Variants in ZNF558 observed in about 807,000 individuals in gnomAD.
ZNF558 encodes zinc finger protein 558.
A neutral mutation model predicts 37.6 loss-of-function variants in ZNF558; 23 were observed. The observed-to-expected ratio is 0.61, with a 90% CI of 0.44 to 0.87. The LOEUF (loss-of-function observed/expected upper bound fraction) is 0.87, where lower values mean the gene tolerates loss of function less well. ZNF558 is among the 40% of genes least tolerant of loss of function. ZNF558 has a pLI of 0.00. For synonymous variants in ZNF558, 189 were observed against 174.4 expected, an observed-to-expected ratio of 1.08 and a Z score of -0.66; for missense variants, 429 against 483.7, an observed-to-expected ratio of 0.89 and a Z score of 1.06.
At chr19:8,833,155 G>C (rs755771571), upstream of ZNF558, 2 of 152,336 alleles carry the variant, frequency 1.3e-5, no homozygotes, top group Non-Finnish European at 2.9e-5. Context: ...AGCCAGGATT[G>C]TGGGAGATCA....
chr19:8,818,355 C>T (rs2910346), intron 7 of ZNF558, among the ~76,000 whole-genome samples: 2 of 152,058 alleles, frequency 1.3e-5, no homozygotes, highest in African/African-American at 4.8e-5. Flanking sequence ...GGGAGGCTGA[C>T]GCAGGAGAAT....
In ZNF558 at chr19:8,821,267, G is replaced by T. The variant is rs750408233; in HGVS notation, c.160C>A (p.Gln54Lys). The change falls in exon 7 of 10, where the codon CAG (glutamine) becomes AAG (lysine). Residue 54 changes from glutamine to lysine, a missense_variant. Transcript: ENST00000601372. ...GGGTCCAGCAACGCCCACTCCTCCT[G>T]GGTGAACTCCACGGCCACATCCTCG... ...TFEDVAVEFT[Q>K]EEWALLDPAQ... 1 of 1,614,206 alleles carries T rather than the reference G, an allele frequency of 6.2e-7. No individual in the cohort carries two copies. The highest frequency in any genetic ancestry group is 2.2e-5 in the East Asian group (1 of 44,890).
intron 9 of ZNF558, 37 bp from the exon 10 acceptor site, chr19:8,812,100 A>G: frequency 1.4e-6 from 2 of 1,420,122 alleles, no homozygotes; most frequent in Non-Finnish European, 1.9e-6. Context: ...TATAATTTAT[A>G]ATATTTGAAA....
At chr19:8,824,518 T>C (rs1416558000) in intron 3 of ZNF558, 101 bp from the exon 4 acceptor site, 2 of 152,234 alleles carry the variant, frequency 1.3e-5, no homozygotes, top group Non-Finnish European at 2.9e-5. Context: ...AATCATCTCA[T>C]TTTCAGCAGA....
In ZNF558 at chr19:8,822,449, G is replaced by C. The variant is rs2044117776; in HGVS notation, c.31+180C>G. ...ATTCACCACACAGGTGACATCCACAGACACCCAAATGCCTAAGTCCCAAAT... is the reference window on the plus strand; with the variant it reads ...ATTCACCACACAGGTGACATCCACACACACCCAAATGCCTAAGTCCCAAAT... On this transcript the variant is annotated intron_variant, in intron 5 of 9. Transcript: ENST00000601372. This position sits in a 1 kb window ranked among gnomAD's most constrained non-coding sequence, Gnocchi z 4.4. 6.6e-6 allele frequency among the ~76,000 whole-genome samples: 1 copy of C among 152,188 alleles called. No homozygotes were observed. The highest frequency in any genetic ancestry group is 1.5e-5 in the Non-Finnish European group (1 of 68,036).
In ZNF558 at chr19:8,812,026, T is replaced by C. The variant is rs868914614; in HGVS notation, c.464A>G (p.Asn155Ser). The C allele has an allele frequency of 3.1e-6, 5 of 1,605,772 alleles. No individual in the cohort carries two copies. Among genetic ancestry groups the C allele is most frequent in the Non-Finnish European group, 4.3e-6 (5 of 1,175,376 alleles). The stretch of plus-strand genomic sequence containing the variant: ...CGTGCTGAAGACTTTAAAACACTGA[T>C]TACATTCATTGAGTTTCACTCCACG... ...SHRGVKLNEC[N>S]QCFKVFSTKS... Residue 155 changes from asparagine to serine, a missense_variant, in exon 10 of 10, where the codon AAT (asparagine) becomes AGT (serine). Transcript: ENST00000601372.
chr19:8,817,170 G>A (rs1030306034), intron 7 of ZNF558, among the ~76,000 whole-genome samples: 1 of 152,124 alleles, frequency 6.6e-6, no homozygotes, highest in Non-Finnish European at 1.5e-5. Context: ...GGCAGAAGTA[G>A]CTCCTTCCTT....
At chr19:8,833,197 A>G (rs1430848528), upstream of ZNF558, 2 of 152,212 alleles carry the variant, frequency 1.3e-5, no homozygotes, top group African/African-American at 4.8e-5. Flanking sequence ...TTGGATCCCT[A>G]GATTGTTGAT....
chr19:8,813,035 C>T, intron 8 of ZNF558, 92 bp downstream of exon 8: 2 of 990,822 alleles, frequency 2.0e-6, no homozygotes, highest in East Asian at 2.6e-5. Flanking sequence ...TACAAAGTTC[C>T]CTGATTGACA....
chr19:8,811,235 G>C lies in ZNF558; in HGVS notation c.*46C>G, dbSNP rs560000577. 150 of 1,505,556 alleles carry C rather than the reference G, an allele frequency of 1.0e-4. 3 individuals carry two copies. In the South Asian group the frequency reaches 1.9e-3, roughly 19 times the overall value. 93.3% of individuals were successfully genotyped at this position (1,505,556 alleles called of 1,614,324 possible). A position where few individuals can be genotyped will look rare whatever the true frequency, so the allele number is the denominator to read the frequency against. ...GTGAGCTCTCTCAAACTATCTTAGGGATGAAAGATCAATGAGTGCTTTCCT... is the reference window on the plus strand; with the variant it reads ...GTGAGCTCTCTCAAACTATCTTAGGCATGAAAGATCAATGAGTGCTTTCCT... On this transcript the variant is annotated 3_prime_UTR_variant, in exon 10 of 10. Transcript: ENST00000601372.
intron 2 of ZNF558, among the ~76,000 whole-genome samples, chr19:8,827,510 A>T (rs962909341): frequency 1.4e-5 from 2 of 147,424 alleles, no homozygotes; most frequent in African/African-American, 4.9e-5. Context: ...GTCTGAAGTG[A>T]GGCCTAGTAT....
intron 9 of ZNF558, 21 bp downstream of exon 9, chr19:8,812,540 A>G: frequency 6.7e-7 from 1 of 1,498,110 alleles, no homozygotes; most frequent in Non-Finnish European, 8.9e-7. Context: ...GAAAACCAGA[A>G]ATCACCCATG....
Position 8,816,612 on chromosome 19 carries a change from A to C in ZNF558, c.248-3390T>G, listed in dbSNP as rs758798971. Among the ~76,000 whole-genome samples the C allele has an allele frequency of 2.6e-4, 40 of 152,322 alleles. No homozygotes were observed. In the Middle Eastern group the frequency reaches 0.01, roughly 39 times the overall value. On this transcript the variant is annotated intron_variant, in intron 7 of 9. Coordinates refer to ENST00000601372, the MANE Select transcript of ZNF558 (RefSeq NM_144693.3). The stretch of plus-strand genomic sequence containing the variant: ...AATGAAGACCTTCCCATAAACAAAG[A>C]CTGAGTGTTTGTCACTATTACATCT...
intron 7 of ZNF558, among the ~76,000 whole-genome samples, chr19:8,818,882 G>T (rs55703654): frequency 0.062 from 9,459 of 152,244 alleles, 379 homozygotes; most frequent in Non-Finnish European, 0.085. Context: ...ACTCCAGTGT[G>T]TATGGCCACA....
chr19:8,821,645 A>T (rs1178486874), intron 6 of ZNF558: 2 of 1,316,244 alleles, frequency 1.5e-6, no homozygotes, highest in Non-Finnish European at 1.9e-6. Context: ...TCTCCAGGGG[A>T]TCATGGGCCC....
rs1411167495 is a variant in ZNF558 at position 8,822,537 on chromosome 19, A to G, written c.31+92T>C. ...GCCCCTGGGGCTCCACTCCTGCCTCACCTGCTCTGCCCAACCCCGCTCGTG... is the reference window on the plus strand; with the variant it reads ...GCCCCTGGGGCTCCACTCCTGCCTCGCCTGCTCTGCCCAACCCCGCTCGTG... On this transcript the variant is annotated intron_variant, in intron 5 of 9. Transcript: ENST00000601372. This position sits in a 1 kb window ranked among gnomAD's most constrained non-coding sequence, Gnocchi z 4.4. The G allele has an allele frequency of 3.8e-6, 6 of 1,582,862 alleles. No individual in the cohort carries two copies. The highest frequency in any genetic ancestry group is 4.3e-6 in the Non-Finnish European group (5 of 1,154,378).
chr19:8,815,467 T>C (rs2043911376), intron 7 of ZNF558, among the ~76,000 whole-genome samples: 2 of 152,002 alleles, frequency 1.3e-5, no homozygotes, highest in African/African-American at 4.8e-5. Flanking sequence ...GGACAATCGA[T>C]ATTATCCAGT....
intron 9 of ZNF558, 99 bp downstream of exon 9, chr19:8,812,462 C>G (rs1555768623): frequency 4.2e-6 from 3 of 718,218 alleles, no homozygotes; most frequent in Admixed American, 3.2e-5. Flanking sequence ...TTATAAATGA[C>G]ACTTTCCTTT....
At chr19:8,834,468 C>T (rs546881150), upstream of ZNF558, among the ~76,000 whole-genome samples, 3 of 152,040 alleles carry the variant, frequency 2.0e-5, no homozygotes, top group South Asian at 2.1e-4. Flanking sequence ...ATTAGCTGGG[C>T]GTGGTGGCGG....
Sources: allele counts gnomAD v4.1 joint callset (sites outside exome capture counted in the v4.1 genomes callset), GRCh38; gene constraint gnomAD v4.1.1; non-coding constraint Gnocchi (gnomAD v3.1); transcripts MANE v1.5; gene names NCBI Gene and HGNC (gene_info 2026-07-23, HGNC 2026-07-21).